TBCK: variants seen among roughly 807,000 people sequenced by gnomAD.
TBCK encodes TBC domain-containing protein kinase-like protein.
A neutral mutation model predicts 113.4 loss-of-function variants in TBCK; 99 were observed. The observed-to-expected ratio is 0.87, with a 90% CI of 0.74 to 1.03. TBCK has a LOEUF of 1.03. Ranked by LOEUF, TBCK falls within the 50% of genes least tolerant of loss-of-function variation. The pLI, the probability that TBCK is intolerant of heterozygous loss-of-function variation, is 0.00. For synonymous variants in TBCK, 369 were observed against 370.8 expected (o/e 1.00, Z 0.05); for missense variants, 1,045 against 1,061.3 (o/e 0.98, Z 0.21).
At chr4:106,292,522 A>T (rs1765832980) in intron 3 of TBCK, among the ~76,000 whole-genome samples, 1 of 151,448 alleles carries the variant, frequency 6.6e-6, no homozygotes, top group African/African-American at 2.4e-5. Flanking sequence ...GTGAGCCAAG[A>T]TCACGCCACT....
chr4:106,228,620 C>T (rs940723010), intron 19 of TBCK, among the ~76,000 whole-genome samples: 4 of 151,992 alleles, frequency 2.6e-5, no homozygotes, highest in African/African-American at 9.7e-5. Flanking sequence ...GTATTAAGTG[C>T]CACATTTTCT....
At chr4:106,292,751 G>T (rs1212393658) in intron 3 of TBCK, among the ~76,000 whole-genome samples, 1 of 152,118 alleles carries the variant, frequency 6.6e-6, no homozygotes, top group Non-Finnish European at 1.5e-5. Context: ...TAGAAAAATA[G>T]TCACCACTGG....
At chr4:106,106,661 G>A (rs1338158546) in intron 24 of TBCK, among the ~76,000 whole-genome samples, 1 of 152,112 alleles carries the variant, frequency 6.6e-6, no homozygotes, top group East Asian at 1.9e-4. Flanking sequence ...AATATAGAAA[G>A]ATCACTACCA....
At chr4:106,266,667 C>T (rs927995767) in intron 3 of TBCK, among the ~76,000 whole-genome samples, 1 of 151,794 alleles carries the variant, frequency 6.6e-6, no homozygotes, top group Non-Finnish European at 1.5e-5. Flanking sequence ...CTTGAGAGTA[C>T]ATGTCAATTA....
intron 25 of TBCK, among the ~76,000 whole-genome samples, chr4:106,059,689 T>C (rs1735820058): frequency 6.6e-6 from 1 of 151,746 alleles, no homozygotes; most frequent in Non-Finnish European, 1.5e-5. Context: ...AAATGGCCTT[T>C]GGTGTTCAAA....
intron 2 of TBCK, among the ~76,000 whole-genome samples, chr4:106,308,555 A>G (rs1579589829): frequency 1.3e-5 from 2 of 152,350 alleles, no homozygotes; most frequent in Admixed American, 1.3e-4. Context: ...TGTATGCAAT[A>G]GCCTAGTAAA....
intron 2 of TBCK, among the ~76,000 whole-genome samples, chr4:106,303,525 A>G (rs1767177102): frequency 6.6e-6 from 1 of 152,084 alleles, no homozygotes; most frequent in Admixed American, 6.6e-5. Flanking sequence ...ATTTCCTTAG[A>G]TGTTTACTAT....
At chr4:106,311,123 G>GT (rs1006274810) in intron 1 of TBCK, among the ~76,000 whole-genome samples, 3 of 151,606 alleles carry the variant, frequency 2.0e-5, no homozygotes, top group African/African-American at 4.8e-5. Context: ...CTAATTTGCT[G>GT]TAAGTGGGAG....
intron 24 of TBCK, among the ~76,000 whole-genome samples, chr4:106,102,287 C>T (rs1210054677): frequency 2.0e-5 from 3 of 152,140 alleles, no homozygotes; most frequent in Non-Finnish European, 2.9e-5. Context: ...TTGGGTAGTT[C>T]CCTAAGATTG....
chr4:106,263,460 G>C (rs1236509310), intron 3 of TBCK, among the ~76,000 whole-genome samples: 1 of 151,778 alleles, frequency 6.6e-6, no homozygotes, highest in East Asian at 1.9e-4. Flanking sequence ...AAAGACATAG[G>C]TTAAAAGTTA....
intron 19 of TBCK, among the ~76,000 whole-genome samples, chr4:106,219,558 C>A (rs1323665088): frequency 6.6e-6 from 1 of 151,708 alleles, no homozygotes; most frequent in Non-Finnish European, 1.5e-5. Flanking sequence ...TCATTTTTTT[C>A]ATTCTTCCAA....
intron 20 of TBCK, among the ~76,000 whole-genome samples, chr4:106,209,148 T>C (rs1755848192): frequency 6.6e-6 from 1 of 152,238 alleles, no homozygotes; most frequent in African/African-American, 2.4e-5. Flanking sequence ...ACTTTCTTAA[T>C]AACACTACAA....
At chr4:106,117,868 G>A (rs921366298) in intron 23 of TBCK, among the ~76,000 whole-genome samples, 1 of 151,964 alleles carries the variant, frequency 6.6e-6, no homozygotes, top group Non-Finnish European at 1.5e-5. Flanking sequence ...AATTAGCCGG[G>A]CGTGGCAGTG....
intron 23 of TBCK, among the ~76,000 whole-genome samples, chr4:106,147,438 C>T (rs1468450246): frequency 1.3e-5 from 2 of 152,142 alleles, no homozygotes; most frequent in African/African-American, 2.4e-5. Context: ...AAGTCAGGGA[C>T]CCCAAACAGA....
chr4:106,246,481 TATC>T (rs1241919334), intron 10 of TBCK, among the ~76,000 whole-genome samples: 1 of 152,130 alleles, frequency 6.6e-6, no homozygotes. Flanking sequence ...ATATAATTCT[TATC>T]AATAATATTA....
At chr4:106,277,563 CTGAA>C (rs1288232035) in intron 3 of TBCK, among the ~76,000 whole-genome samples, 3 of 152,184 alleles carry the variant, frequency 2.0e-5, no homozygotes, top group East Asian at 3.9e-4. Flanking sequence ...AGAAATTATG[CTGAA>C]TGAAGGAAGA....
intron 1 of TBCK, among the ~76,000 whole-genome samples, chr4:106,310,868 A>T (rs1387617986): frequency 6.6e-6 from 1 of 152,160 alleles, no homozygotes; most frequent in African/African-American, 2.4e-5. Context: ...CACAAAAACC[A>T]ACTCTAACAA....
intron 3 of TBCK, among the ~76,000 whole-genome samples, chr4:106,293,125 G>C (rs975520588): frequency 3.9e-5 from 6 of 152,182 alleles, no homozygotes. Flanking sequence ...TAAACCAGGT[G>C]AATTGACTTC....
rs58172732 is a variant in TBCK at position 106,250,505 on chromosome 4, T to C, written c.598-27A>G. On this transcript the variant is annotated intron_variant, in intron 6 of 25. Coordinates refer to ENST00000394708, the MANE Select transcript of TBCK (RefSeq NM_001163435.3). Reference sequence around the variant, plus strand: ...TAAATAAAATGAGAAAAGAAATTTCTATTAATATTTACATGTTTTTTCTAG... The same window carrying C: ...TAAATAAAATGAGAAAAGAAATTTCCATTAATATTTACATGTTTTTTCTAG... The C allele has an allele frequency of 3.9e-3, 5,064 of 1,307,666 alleles. 139 individuals carry two copies. In the African/African-American group the frequency reaches 0.062, roughly 16 times the overall value. 81.0% of individuals were successfully genotyped at this position (1,307,666 alleles called of 1,614,324 possible).
Sources: gnomAD v4.1 joint callset for allele counts (sites outside exome capture counted in the v4.1 genomes callset) on GRCh38, gnomAD v4.1.1 for gene constraint, MANE v1.5 for transcripts, NCBI Gene and HGNC (gene_info 2026-07-23, HGNC 2026-07-21) for gene names.